Variants in FMO2 observed in about 807,000 individuals in gnomAD.
The protein encoded by FMO2 is flavin-containing monooxygenase 2.
Under a neutral mutation model 41.6 loss-of-function variants are expected in FMO2, and 33 were observed. The observed-to-expected ratio is 0.79, with a 90% CI of 0.60 to 1.06. The LOEUF is 1.06. Among genes scored for constraint, FMO2 ranks in the 50% least tolerant of loss-of-function variants. The pLI, the probability that FMO2 is intolerant of heterozygous loss-of-function variation, is 0.00. For missense variants in FMO2, 619 were observed against 632.9 expected, an observed-to-expected ratio of 0.98 and a Z score of 0.23; for synonymous variants, 214 against 219.6, an observed-to-expected ratio of 0.97 and a Z score of 0.23.
intron 5 of FMO2, among the ~76,000 whole-genome samples, chr1:171,201,146 TGCAAAAGA>T: frequency 6.6e-6 from 1 of 152,062 alleles, no homozygotes; most frequent in Non-Finnish European, 1.5e-5. Flanking sequence ...TTGCACAGAG[TGCAAAAGA>T]CTTTGTTTCC....
intron 2 of FMO2, among the ~76,000 whole-genome samples, chr1:171,191,473 A>G (rs1262960680): frequency 6.6e-6 from 1 of 152,242 alleles, no homozygotes; most frequent in African/African-American, 2.4e-5. Flanking sequence ...ATAATAACAG[A>G]AAAGAGATAA....
chr1:171,204,332 T>A (rs1658664934), intron 6 of FMO2, among the ~76,000 whole-genome samples: 2 of 152,174 alleles, frequency 1.3e-5, no homozygotes, highest in South Asian at 4.1e-4. Context: ...TTATCTAACA[T>A]TGGAGAAAAC....
At chr1:171,197,688 C>G (rs1658360309) in intron 4 of FMO2, among the ~76,000 whole-genome samples, 1 of 152,170 alleles carries the variant, frequency 6.6e-6, no homozygotes, top group Admixed American at 6.5e-5. Context: ...AGTAAGAGCT[C>G]TGCCCTCAAG....
At chr1:171,201,496 C>T (rs956372978) in intron 5 of FMO2, among the ~76,000 whole-genome samples, 3 of 152,196 alleles carry the variant, frequency 2.0e-5, no homozygotes, top group Non-Finnish European at 4.4e-5. Context: ...ATGCTAGGAA[C>T]GGAACTAGGC....
In FMO2 at chr1:171,202,285, A is replaced by G. The variant is rs1366159548; in HGVS notation, c.628-1580A>G. Reference sequence around the variant, plus strand: ...GAGACACTAATGAAAATATTTTTGTATCTAATATCTAATCAAAGTATTGCC... The same window carrying G: ...GAGACACTAATGAAAATATTTTTGTGTCTAATATCTAATCAAAGTATTGCC... On this transcript the variant is annotated intron_variant, in intron 5 of 8. Coordinates refer to ENST00000209929, the MANE Select transcript of FMO2 (RefSeq NM_001460.5). Among the ~76,000 whole-genome samples the G allele has an allele frequency of 2.0e-5, 3 of 152,292 alleles. No homozygotes were observed. In the South Asian group the frequency reaches 6.2e-4, roughly 32 times the overall value.
intron 7 of FMO2, 121 bp from the exon 8 acceptor site, chr1:171,207,597 C>A (rs766392555): frequency 8.3e-6 from 6 of 726,594 alleles, no homozygotes; most frequent in Admixed American, 7.0e-5. Flanking sequence ...TTCAACAGCA[C>A]GGAAGCCCTG....
rs1162982875 is a variant in FMO2 at position 171,198,346 on chromosome 1, A to T, written c.485-1000A>T. ...ATTGCTAAATTGTATTCTAACTATTACACAATTATAATAATAGCACTTCAT... is the reference window on the plus strand; with the variant it reads ...ATTGCTAAATTGTATTCTAACTATTTCACAATTATAATAATAGCACTTCAT... On this transcript the variant is annotated intron_variant, in intron 4 of 8. Coordinates refer to ENST00000209929, the MANE Select transcript of FMO2 (RefSeq NM_001460.5). Among the ~76,000 whole-genome samples the T allele has an allele frequency of 3.3e-5, 5 of 152,178 alleles. No individual in the cohort carries two copies. In the East Asian group the frequency reaches 9.7e-4, roughly 29 times the overall value.
chr1:171,206,870 G>A (rs569883381), intron 7 of FMO2, among the ~76,000 whole-genome samples: 1 of 152,306 alleles, frequency 6.6e-6, no homozygotes, highest in South Asian at 2.1e-4. Flanking sequence ...TGGAAAGGAA[G>A]CCATAAATGT....
intron 3 of FMO2, among the ~76,000 whole-genome samples, chr1:171,195,834 T>A (rs1356424867): frequency 6.6e-6 from 1 of 152,188 alleles, no homozygotes; most frequent in Non-Finnish European, 1.5e-5. Context: ...TTTATTCAAA[T>A]AAGATCATGA....
At position 171,209,122 on chromosome 1, in the gene FMO2, T is replaced by C. The variant is rs1186764027; in HGVS notation, c.1585T>C (p.Phe529Leu). 3.0e-6 allele frequency: 2 copies of C among 663,696 alleles called. No homozygotes were observed. The highest frequency in any genetic ancestry group is 1.8e-5 in the African/African-American group (1 of 54,868). The allele number at this position is 663,696 out of a possible 1,614,324, so 41.1% of individuals were successfully genotyped here. The change falls in exon 9 of 9, where the codon TTT becomes CTT. Residue 529 changes from phenylalanine to leucine, a missense_variant. Phe to Leu is a conservative substitution (Grantham distance 22, BLOSUM62 0). Transcript: ENST00000209929. ...CCTTCTTGCTGTTGTTGTGGCCTTT[T>C]TTTGCCAACTTCAATGGTCCTAGTC... ...LGLLAVVVAFFCQLQWS is the reference protein window; with the variant it reads ...LGLLAVVVAFLCQLQWS
At position 171,189,654 on chromosome 1, in the gene FMO2, C is replaced by CTTTTTTTTTTTTTTTTTT. The variant is rs199536748; in HGVS notation, c.133-3677_133-3676insTTTTTTTTTTTTTTTTTT. ...ACAGAAATCTGAGCCCGTCTTTTTT[C>CTTTTTTTTTTTTTTTTTT]TTTTCTTTTTTTTTTTTTTTTTGAG... On this transcript the variant is annotated intron_variant, in intron 2 of 8. Coordinates refer to ENST00000209929, the MANE Select transcript of FMO2 (RefSeq NM_001460.5). Among the ~76,000 whole-genome samples the CTTTTTTTTTTTTTTTTTT allele has an allele frequency of 1.5e-4, 18 of 122,794 alleles. 2 individuals are homozygous for CTTTTTTTTTTTTTTTTTT. The highest frequency in any genetic ancestry group is 1.3e-3 in the East Asian group (5 of 3,952). The allele number at this position is 122,794 out of a possible 152,430, so 80.6% of individuals were successfully genotyped here. A position where few individuals can be genotyped will look rare whatever the true frequency, so the allele number is the denominator to read the frequency against.
intron 5 of FMO2, among the ~76,000 whole-genome samples, chr1:171,202,682 A>G (rs1433024910): frequency 3.9e-5 from 6 of 152,212 alleles, no homozygotes; most frequent in Non-Finnish European, 7.4e-5. Context: ...TAATTCAACC[A>G]TGGCAACACA....
intron 5 of FMO2, among the ~76,000 whole-genome samples, chr1:171,201,831 A>AC (rs1201454447): frequency 4.5e-3 from 2 of 440 alleles, no homozygotes; most frequent in East Asian, 0.14. Flanking sequence ...AATGAGAGCG[A>AC]AGGGGGAACC....
chr1:171,200,138 A>G (rs1379262012), intron 5 of FMO2, among the ~76,000 whole-genome samples: 2 of 152,188 alleles, frequency 1.3e-5, no homozygotes, highest in Admixed American at 1.3e-4. Flanking sequence ...ACCTTCAGTT[A>G]CCCAAATATT....
intron 5 of FMO2, among the ~76,000 whole-genome samples, chr1:171,199,694 A>G (rs563448068): frequency 6.6e-6 from 1 of 152,270 alleles, no homozygotes. Context: ...AGAGTGATTC[A>G]TTTCACTTCT....
intron 5 of FMO2, among the ~76,000 whole-genome samples, chr1:171,200,397 C>T (rs999022855): frequency 2.6e-5 from 4 of 152,146 alleles, no homozygotes; most frequent in Non-Finnish European, 4.4e-5. Context: ...AACATCCTTT[C>T]CCAAAGTATT....
In FMO2 at chr1:171,199,406, T is replaced by C. The variant is rs2307492; in HGVS notation, c.545T>C (p.Phe182Ser). The change falls in exon 5 of 9, where the codon TTT (phenylalanine) becomes TCT (serine). Residue 182 changes from phenylalanine (F) to serine (S), a missense_variant. Phe to Ser is a radical substitution (Grantham distance 155, BLOSUM62 -2). Transcript: ENST00000209929. ...CGCCAATACAAGCATCCAGATGGAT[T>C]TGAGGGAAAACGCATCCTGGTGATT... is the stretch of plus-strand genomic sequence containing the variant. ...HSRQYKHPDG[F>S]EGKRILVIGM... The C allele has an allele frequency of 0.098, 158,296 of 1,611,428 alleles. 8,507 individuals carry two copies. Among genetic ancestry groups the C allele is most frequent in the African/African-American group, 0.17 (12,935 of 74,768 alleles).
chr1:171,199,840 G>C (rs1301430056), intron 5 of FMO2, among the ~76,000 whole-genome samples: 3 of 152,074 alleles, frequency 2.0e-5, no homozygotes, highest in Non-Finnish European at 4.4e-5. Context: ...TCAGCCTCCT[G>C]AGTAGCTGGG....
At chr1:171,186,493 A>G (rs2421709) in intron 2 of FMO2, 79,234 of 152,136 alleles carry the variant, frequency 0.52, 21,976 homozygotes, top group African/African-American at 0.7. Flanking sequence ...GAGGACTCAG[A>G]AAATTTACAA....
Sources: allele counts gnomAD v4.1 joint callset (sites outside exome capture counted in the v4.1 genomes callset), GRCh38; gene constraint gnomAD v4.1.1; transcripts MANE v1.5; gene names NCBI Gene and HGNC (gene_info 2026-07-23, HGNC 2026-07-21).